ALKBH3: variants seen among roughly 807,000 people sequenced by gnomAD.
ALKBH3 encodes the protein alpha-ketoglutarate-dependent dioxygenase alkB homolog 3.
A neutral mutation model predicts 43.9 loss-of-function variants in ALKBH3; 51 were observed. The observed-to-expected ratio is 1.16, with a 90% CI of 0.93 to 1.47. The LOEUF (loss-of-function observed/expected upper bound fraction) is 1.47. Ranked by LOEUF, ALKBH3 falls within the 40% of genes most tolerant of loss-of-function variation. The pLI is 0.00. For synonymous variants in ALKBH3, 102 were observed against 115.2 expected, an observed-to-expected ratio of 0.89 and a Z score of 0.73; for missense variants, 361 against 351.9, an observed-to-expected ratio of 1.03 and a Z score of -0.21.
At chr11:43,900,753 T>A (rs1951857716) in intron 7 of ALKBH3, among the ~76,000 whole-genome samples, 1 of 152,288 alleles carries the variant, frequency 6.6e-6, no homozygotes, top group African/African-American at 2.4e-5. Flanking sequence ...ATGTTGTTTG[T>A]AGCTCCCAAG....
At chr11:43,913,569 AT>A (rs1951958508) in intron 8 of ALKBH3, among the ~76,000 whole-genome samples, 1 of 152,202 alleles carries the variant, frequency 6.6e-6, no homozygotes, top group Admixed American at 6.5e-5. Context: ...TGTATTTGAT[AT>A]TTCCCCACAG....
At chr11:43,894,730 G>A (rs761764455) in intron 7 of ALKBH3, among the ~76,000 whole-genome samples, 9 of 152,086 alleles carry the variant, frequency 5.9e-5, no homozygotes, top group Non-Finnish European at 1.0e-4. Flanking sequence ...GATCTTTATC[G>A]CTATGAAGAT....
intron 8 of ALKBH3, among the ~76,000 whole-genome samples, chr11:43,907,682 G>A (rs1260067826): frequency 1.3e-5 from 2 of 152,158 alleles, no homozygotes; most frequent in Non-Finnish European, 2.9e-5. Context: ...GAAGAGCAAA[G>A]TGTGTTTCAG....
chr11:43,916,494 G>T (rs1951984282), intron 8 of ALKBH3, among the ~76,000 whole-genome samples: 1 of 152,104 alleles, frequency 6.6e-6, no homozygotes, highest in South Asian at 2.1e-4. Flanking sequence ...GACCCTAAAA[G>T]CTGCTTTTAA....
At chr11:43,898,486 G>A (rs1487705691) in intron 7 of ALKBH3, 14 of 951,640 alleles carry the variant, frequency 1.5e-5, no homozygotes, top group East Asian at 5.0e-5. Flanking sequence ...GGACACCAAC[G>A]GCTTGGTGAG....
At chr11:43,893,747 A>G (rs1951799730) in intron 7 of ALKBH3, among the ~76,000 whole-genome samples, 1 of 152,214 alleles carries the variant, frequency 6.6e-6, no homozygotes, top group Non-Finnish European at 1.5e-5. Flanking sequence ...AGCCTGGACA[A>G]CATAATGTGG....
Position 43,897,707 on chromosome 11 carries a change from C to T in ALKBH3, c.460-3809C>T, listed in dbSNP as rs77207849. 3,230 of 812,444 alleles carry T rather than the reference C, an allele frequency of 4.0e-3. 132 individuals carry two copies. In the East Asian group the frequency reaches 0.072, roughly 18 times the overall value. The allele number at this position is 812,444 out of a possible 1,614,324, so 50.3% of individuals were successfully genotyped here. On this transcript the variant is annotated intron_variant, in intron 7 of 9. Coordinates refer to ENST00000302708, the MANE Select transcript of ALKBH3 (RefSeq NM_139178.4). ...ATTACGTTTATTTTGTCCAGAAGAA[C>T]TCACTGAATTCTCGGGAACGTACTT...
At chr11:43,898,566 AGAG>A in intron 7 of ALKBH3, 1 of 768,266 alleles carries the variant, frequency 1.3e-6, no homozygotes, top group Admixed American at 1.7e-5. Context: ...GGCGATGTGA[AGAG>A]AATACAAAAG....
chr11:43,897,423 CAGGTGTGAA>C, intron 7 of ALKBH3: 2 of 733,130 alleles, frequency 2.7e-6, no homozygotes, highest in Non-Finnish European at 5.0e-6. Context: ...CTTGGCAAGA[CAGGTGTGAA>C]AGGATTGCTG....
intron 8 of ALKBH3, 29 bp downstream of exon 8, chr11:43,901,754 C>G (rs1397472923): frequency 1.2e-6 from 2 of 1,608,862 alleles, no homozygotes; most frequent in Non-Finnish European, 1.7e-6. Context: ...TTATGCTCTT[C>G]CTGCCTCTTA....
intron 8 of ALKBH3, among the ~76,000 whole-genome samples, chr11:43,902,900 G>C (rs1290730450): frequency 2.0e-5 from 3 of 152,140 alleles, no homozygotes; most frequent in Non-Finnish European, 4.4e-5. Context: ...CCTGGCCCAG[G>C]CTGATTTTTG....
intron 5 of ALKBH3, among the ~76,000 whole-genome samples, chr11:43,887,482 G>A (rs755780341): frequency 1.8e-4 from 27 of 150,886 alleles, no homozygotes; most frequent in Non-Finnish European, 3.8e-4. Context: ...TACTTTTTTC[G>A]TATTTTTAAT....
At chr11:43,899,184 G>C (rs776859643) in intron 7 of ALKBH3, 4 of 771,000 alleles carry the variant, frequency 5.2e-6, no homozygotes, top group Admixed American at 1.7e-5. Context: ...TCTCCAGGTG[G>C]GAACAATGTG....
chr11:43,900,585 T>C (rs1434791563), intron 7 of ALKBH3, among the ~76,000 whole-genome samples: 1 of 152,186 alleles, frequency 6.6e-6, no homozygotes, highest in Non-Finnish European at 1.5e-5. Flanking sequence ...ATTTTAAATA[T>C]CATAAAAACT....
rs539530035 is a variant in ALKBH3 at position 43,885,918 on chromosome 11, A to G, written c.219-688A>G. Among the ~76,000 whole-genome samples, 3 of 152,350 alleles carry G rather than the reference A, an allele frequency of 2.0e-5. No individual in the cohort carries two copies. The South Asian group carries it at 6.2e-4, about 32-fold the overall frequency. The stretch of plus-strand genomic sequence containing the variant: ...GTTTAAAGGCGGTGATGCTGAAGCT[A>G]GGATTTTTGAAAGGTGAATGAGAGT... On this transcript the variant is annotated intron_variant, in intron 4 of 9. Transcript: ENST00000302708.
chr11:43,885,628 C>T (rs1231110096), intron 4 of ALKBH3, among the ~76,000 whole-genome samples: 1 of 152,220 alleles, frequency 6.6e-6, no homozygotes, highest in Non-Finnish European at 1.5e-5. Context: ...GCCTCACCAC[C>T]TGGCAGTTCT....
At chr11:43,888,942 G>A (rs774278153) in intron 5 of ALKBH3, among the ~76,000 whole-genome samples, 6 of 152,214 alleles carry the variant, frequency 3.9e-5, no homozygotes, top group Admixed American at 1.3e-4. Context: ...GTCATAATGA[G>A]CTGTAGCTTT....
intron 5 of ALKBH3, among the ~76,000 whole-genome samples, chr11:43,889,411 T>C (rs1377793775): frequency 6.6e-6 from 1 of 152,242 alleles, no homozygotes; most frequent in Non-Finnish European, 1.5e-5. Context: ...TCAGAGAGGT[T>C]CAGTAACTTG....
In ALKBH3 at chr11:43,881,197, G is replaced by A. The variant is rs2135172434; in HGVS notation, c.-71+18G>A. The A allele has an allele frequency of 6.6e-6, 1 of 152,504 alleles. No individual in the cohort carries two copies. Among genetic ancestry groups the A allele is most frequent in the East Asian group, 1.9e-4 (1 of 5,182 alleles). 9.4% of individuals were successfully genotyped at this position (152,504 alleles called of 1,614,324 possible). On this transcript the variant is annotated intron_variant, in intron 1 of 9. Transcript: ENST00000302708. ...TCAGAAAGGTGAAGTCATTTGCCATGGGCCATGCAGCTGGGAAGTGACAGA... is the reference window on the plus strand; with the variant it reads ...TCAGAAAGGTGAAGTCATTTGCCATAGGCCATGCAGCTGGGAAGTGACAGA...
Sources: gnomAD v4.1 joint callset for allele counts (sites outside exome capture counted in the v4.1 genomes callset) on GRCh38, gnomAD v4.1.1 for gene constraint, MANE v1.5 for transcripts, NCBI Gene and HGNC (gene_info 2026-07-23, HGNC 2026-07-21) for gene names.